The following MTUS2 variants were observed in gnomAD, a reference collection of about 807,000 sequenced individuals.
MTUS2 encodes microtubule-associated tumor suppressor candidate 2.
MTUS2 carries 40 observed loss-of-function variants against 114.1 expected under a neutral mutation model. That is an observed-to-expected ratio of 0.35 (90% CI 0.27 to 0.46). MTUS2 has a LOEUF of 0.46. MTUS2 is among the 20% of genes least tolerant of loss of function. The pLI, the probability that MTUS2 is intolerant of heterozygous loss-of-function variation, is 1.00. For synonymous variants in MTUS2, 688 were observed against 672.0 expected, an observed-to-expected ratio of 1.02 and a Z score of -0.37; for missense variants, 1,679 against 1,705.4, an observed-to-expected ratio of 0.98 and a Z score of 0.27.
chr13:28,880,229 T>C (rs1238994554), intron 2 of MTUS2, among the ~76,000 whole-genome samples: 3 of 152,214 alleles, frequency 2.0e-5, no homozygotes, highest in Admixed American at 2.0e-4. Flanking sequence ...TTGGTGAAGT[T>C]GAAATCTCAT....
At chr13:29,414,958 T>C (rs764786844) in intron 8 of MTUS2, among the ~76,000 whole-genome samples, 6 of 151,552 alleles carry the variant, frequency 4.0e-5, no homozygotes, top group Non-Finnish European at 7.4e-5. Context: ...ATGCTTTAAA[T>C]GTGTCCGATA....
At chr13:29,014,461 A>G (rs1263850353) in intron 2 of MTUS2, among the ~76,000 whole-genome samples, 1 of 152,246 alleles carries the variant, frequency 6.6e-6, no homozygotes, top group South Asian at 2.1e-4. Flanking sequence ...ATGGAGTACT[A>G]GCCTGGTCAC....
chr13:29,114,070 A>G (rs1890987078), intron 5 of MTUS2, among the ~76,000 whole-genome samples: 3 of 152,046 alleles, frequency 2.0e-5, no homozygotes, highest in African/African-American at 7.2e-5. Flanking sequence ...ACCTTCTGCC[A>G]TGATTGGAAG....
rs1326623365 is a variant in MTUS2, at chr13:29,219,184, CATT to C, written c.2645-62519_2645-62517del. On this transcript the variant is annotated intron_variant, in intron 5 of 15. Transcript: ENST00000612955. ...TCCCCTTCCTGTGTCCATGTGATCTCATTGTTCAATTTCCACCTATGAGTGAGA... is the reference window on the plus strand; with the variant it reads ...TCCCCTTCCTGTGTCCATGTGATCTCGTTCAATTTCCACCTATGAGTGAGA... 3.5e-5 allele frequency among the ~76,000 whole-genome samples: 5 copies of C among 143,410 alleles called. No individual in the cohort carries two copies. In the South Asian group the frequency reaches 1.1e-3, roughly 33 times the overall value. The allele number at this position is 143,410 out of a possible 152,430, so 94.1% of individuals were successfully genotyped here. A position where few individuals can be genotyped will look rare whatever the true frequency, so the allele number is the denominator to read the frequency against.
intron 2 of MTUS2, among the ~76,000 whole-genome samples, chr13:28,853,352 A>T (rs546288568): frequency 6.6e-6 from 1 of 152,258 alleles, no homozygotes; most frequent in African/African-American, 2.4e-5. Context: ...TACTGGTTAC[A>T]TATTCCTCTT....
intron 5 of MTUS2, among the ~76,000 whole-genome samples, chr13:29,168,585 A>C (rs1037998723): frequency 2.0e-5 from 3 of 152,152 alleles, no homozygotes; most frequent in Non-Finnish European, 2.9e-5. Context: ...TTGCTTACTT[A>C]ATTTTACCAA....
At position 29,025,340 on chromosome 13, in the gene MTUS2, G is replaced by A. The variant is rs764871607; in HGVS notation, c.642G>A (p.Glu214=). 2 of 1,613,806 alleles carry A rather than the reference G, an allele frequency of 1.2e-6. No individual in the cohort carries two copies. The highest frequency in any genetic ancestry group is 8.5e-7 in the Non-Finnish European group (1 of 1,179,866). ...GGGGTCAGATACCTGGGGGTGGGGAGGGGCCACAGAAGACATTGCCAGACC... is the reference window on the plus strand; with the variant it reads ...GGGGTCAGATACCTGGGGGTGGGGAAGGGCCACAGAAGACATTGCCAGACC... ...EARGQIPGGG[E]GPQKTLPDHA... Residue 214 remains glutamate, a synonymous_variant, in exon 3 of 16, where the codon GAG becomes GAA. Transcript: ENST00000612955.
At chr13:29,026,926 T>C in intron 3 of MTUS2, 23 bp downstream of exon 3, 1 of 1,560,998 alleles carries the variant, frequency 6.4e-7, no homozygotes, top group South Asian at 1.2e-5. Context: ...CATTATGATA[T>C]GGTCTATAAG....
intron 8 of MTUS2, among the ~76,000 whole-genome samples, chr13:29,393,790 A>G (rs1379456625): frequency 1.3e-5 from 2 of 152,220 alleles, no homozygotes; most frequent in African/African-American, 4.8e-5. Flanking sequence ...TGAGCCATCA[A>G]TCAATAAATG....
At chr13:29,434,631 C>T (rs1877274075) in intron 8 of MTUS2, among the ~76,000 whole-genome samples, 1 of 152,156 alleles carries the variant, frequency 6.6e-6, no homozygotes, top group Non-Finnish European at 1.5e-5. Context: ...AGGAGTGGCA[C>T]AGGTGGCTGA....
At chr13:29,278,530 C>T (rs1362755724) in intron 5 of MTUS2, among the ~76,000 whole-genome samples, 1 of 152,196 alleles carries the variant, frequency 6.6e-6, no homozygotes, top group African/African-American at 2.4e-5. Flanking sequence ...TGAAAAAAAT[C>T]TCAGCCTCGC....
At chr13:29,168,967 A>G (rs1893439842) in intron 5 of MTUS2, among the ~76,000 whole-genome samples, 1 of 148,338 alleles carries the variant, frequency 6.7e-6, no homozygotes, top group East Asian at 2.0e-4. Flanking sequence ...GTACAGGTCA[A>G]CTCTGCCCTT....
chr13:28,975,468 C>T (rs74041681), intron 2 of MTUS2, among the ~76,000 whole-genome samples: 482 of 5,544 alleles, frequency 0.087, 3 homozygotes, highest in African/African-American at 0.41. Context: ...ATCTCGCCTG[C>T]GGCAGCATCG....
intron 5 of MTUS2, among the ~76,000 whole-genome samples, chr13:29,236,034 A>C (rs926610395): frequency 1.3e-5 from 2 of 152,160 alleles, no homozygotes; most frequent in East Asian, 3.8e-4. Context: ...ATCCAGTATT[A>C]TATACTTGCA....
chr13:29,258,715 T>G (rs564861294), intron 5 of MTUS2, among the ~76,000 whole-genome samples: 1 of 152,384 alleles, frequency 6.6e-6, no homozygotes, highest in Admixed American at 6.5e-5. Flanking sequence ...TAGCAGATGT[T>G]GCATTTCATA....
intron 5 of MTUS2, among the ~76,000 whole-genome samples, chr13:29,278,649 A>G (rs1462281337): frequency 6.6e-6 from 1 of 152,244 alleles, no homozygotes; most frequent in Non-Finnish European, 1.5e-5. Flanking sequence ...GTGAATCGCA[A>G]CAAGCAATTT....
chr13:29,271,406 C>G (rs1897876961), intron 5 of MTUS2, among the ~76,000 whole-genome samples: 1 of 152,204 alleles, frequency 6.6e-6, no homozygotes, highest in South Asian at 2.1e-4. Flanking sequence ...CATGCACTTC[C>G]TTAATGCTGG....
In MTUS2 at chr13:29,025,417, G is replaced by A. The variant is rs147509170; in HGVS notation, c.719G>A (p.Ser240Asn). 2.5e-6 allele frequency: 4 copies of A among 1,613,766 alleles called. No homozygotes were observed. In the South Asian group the frequency reaches 3.3e-5, roughly 13 times the overall value. Reference protein sequence around the residue: ...PATDSTSEGKSVRHPKPSTSE... With the variant: ...PATDSTSEGKNVRHPKPSTSE... ...ACTGACAGTACCTCAGAGGGAAAGA[G>A]TGTGCGTCATCCTAAACCATCTACC... Residue 240 changes from serine (S) to asparagine (N), a missense_variant, in exon 3 of 16, where the codon AGT becomes AAT. Ser to Asn is a conservative substitution (Grantham distance 46). Around this residue, in one of 3 missense-constraint regions of MTUS2, gnomAD observed 843 missense variants for 770.8 expected, o/e 1.09. Coordinates refer to ENST00000612955, the MANE Select transcript of MTUS2 (RefSeq NM_001033602.4).
At chr13:29,355,001 T>C (rs1869619679) in intron 7 of MTUS2, among the ~76,000 whole-genome samples, 1 of 152,184 alleles carries the variant, frequency 6.6e-6, no homozygotes, top group Non-Finnish European at 1.5e-5. Context: ...TTCTTATCTA[T>C]GGTGTGAAGG....
Sources: allele counts gnomAD v4.1 joint callset (sites outside exome capture counted in the v4.1 genomes callset), GRCh38; gene constraint gnomAD v4.1.1; regional missense constraint gnomAD v4.1.1; transcripts MANE v1.5; gene names NCBI Gene and HGNC (gene_info 2026-07-23, HGNC 2026-07-21).